The following PLCB4 variants were observed in gnomAD, a reference collection of about 807,000 sequenced individuals.
The protein encoded by PLCB4 is phospholipase C beta 4, also known as 1-phosphatidylinositol 4,5-bisphosphate phosphodiesterase beta-4.
PLCB4 carries 77 observed loss-of-function variants against 178.8 expected under a neutral mutation model. The ratio of observed to expected loss-of-function variants is 0.43; its 90% CI spans 0.36 to 0.52. The LOEUF is 0.52. PLCB4 is among the 20% of genes least tolerant of loss of function. PLCB4 has a pLI of 0.00. For missense variants in PLCB4, 1,024 were observed against 1,453.4 expected, an observed-to-expected ratio of 0.70 and a Z score of 4.80; for synonymous variants, 496 against 490.8, an observed-to-expected ratio of 1.01 and a Z score of -0.14.
intron 7 of PLCB4, among the ~76,000 whole-genome samples, chr20:9,357,296 G>T (rs1156527566): frequency 6.6e-6 from 1 of 152,152 alleles, no homozygotes; most frequent in Non-Finnish European, 1.5e-5. Flanking sequence ...GCATCCTCTT[G>T]CTTCCACATA....
At chr20:9,326,276 A>G (rs1048947402) in intron 4 of PLCB4, among the ~76,000 whole-genome samples, 1 of 152,156 alleles carries the variant, frequency 6.6e-6, no homozygotes, top group South Asian at 2.1e-4. Context: ...TTTCTTTTCA[A>G]TAGCCTTCAT....
chr20:9,182,232 A>G (rs764068398), intron 2 of PLCB4, among the ~76,000 whole-genome samples: 15 of 152,138 alleles, frequency 9.9e-5, no homozygotes, highest in Non-Finnish European at 1.8e-4. Context: ...TCTTGTAGCT[A>G]GCTGCTGACT....
intron 25 of PLCB4, among the ~76,000 whole-genome samples, chr20:9,415,087 G>A (rs1314382797): frequency 1.3e-5 from 2 of 152,186 alleles, no homozygotes; most frequent in Non-Finnish European, 2.9e-5. Flanking sequence ...TAATGGAACA[G>A]TTATAACAAT....
intron 3 of PLCB4, among the ~76,000 whole-genome samples, chr20:9,228,314 AGAGAGAG>A (rs1831762035): frequency 6.6e-6 from 1 of 152,194 alleles, no homozygotes; most frequent in Non-Finnish European, 1.5e-5. Flanking sequence ...AATTGTGATG[AGAGAGAG>A]TAAGGAAGAA....
intron 2 of PLCB4, among the ~76,000 whole-genome samples, chr20:9,197,611 A>G (rs919513689): frequency 6.6e-6 from 1 of 152,216 alleles, no homozygotes; most frequent in Admixed American, 6.5e-5. Flanking sequence ...TGCTGCCTAG[A>G]CCACCCTGGG....
chr20:9,365,362 G>A, intron 8 of PLCB4, 99 bp from the exon 9 acceptor site: 1 of 730,782 alleles, frequency 1.4e-6, no homozygotes, highest in Non-Finnish European at 2.4e-6. Flanking sequence ...CAGAACCAAT[G>A]TTCTTGATTT....
chr20:9,434,207 C>G (rs895630769), intron 28 of PLCB4, among the ~76,000 whole-genome samples: 35 of 151,944 alleles, frequency 2.3e-4, no homozygotes, highest in African/African-American at 8.0e-4. Context: ...AAAAATGGTG[C>G]AGAAAACTAT....
chr20:9,167,267 TA>T lies in PLCB4; in HGVS notation c.-78-50114del, dbSNP rs755010165. On this transcript the variant is annotated intron_variant, in intron 2 of 39. Coordinates refer to ENST00000378473, the MANE Select transcript of PLCB4 (RefSeq NM_001377142.1). ...AACTGCTCTAAGAAATGAGGTCTAT[TA>T]AAAAAAAACAGTCCCTTGATAATAC... 3.9e-3 allele frequency among the ~76,000 whole-genome samples: 595 copies of T among 151,136 alleles called. 1 individual carries two copies. Among genetic ancestry groups the T allele is most frequent in the African/African-American group, 0.014 (574 of 41,238 alleles).
chr20:9,269,404 G>A (rs2094381191), intron 3 of PLCB4, among the ~76,000 whole-genome samples: 1 of 152,160 alleles, frequency 6.6e-6, no homozygotes, highest in Non-Finnish European at 1.5e-5. Context: ...TGGAAGTGGA[G>A]TCTTTCTTCT....
At chr20:9,364,738 A>C (rs2035629476) in intron 8 of PLCB4, among the ~76,000 whole-genome samples, 1 of 152,248 alleles carries the variant, frequency 6.6e-6, no homozygotes, top group African/African-American at 2.4e-5. Flanking sequence ...ATGTTCTGCA[A>C]ATTGTTAGCA....
intron 3 of PLCB4, among the ~76,000 whole-genome samples, chr20:9,301,720 T>C (rs1439855413): frequency 6.6e-6 from 1 of 152,086 alleles, no homozygotes; most frequent in Non-Finnish European, 1.5e-5. Context: ...CAGTTTCTTA[T>C]TATCATCTTT....
chr20:9,366,691 C>T (rs2035812428), intron 9 of PLCB4, among the ~76,000 whole-genome samples: 1 of 152,202 alleles, frequency 6.6e-6, no homozygotes, highest in South Asian at 2.1e-4. Flanking sequence ...ATTCCAGAAG[C>T]TGGGCTGGGC....
At chr20:9,095,383 AT>A (rs2090866115) in intron 1 of PLCB4, among the ~76,000 whole-genome samples, 1 of 152,100 alleles carries the variant, frequency 6.6e-6, no homozygotes, top group Non-Finnish European at 1.5e-5. Context: ...TCTATATATC[AT>A]TATCCCCATT....
chr20:9,465,635 C>G lies in PLCB4; in HGVS notation c.3249-2936C>G, dbSNP rs183758962. 2.6e-4 allele frequency among the ~76,000 whole-genome samples: 40 copies of G among 152,284 alleles called. No homozygotes were observed. In the East Asian group the frequency reaches 7.5e-3, roughly 29 times the overall value. On this transcript the variant is annotated intron_variant, in intron 35 of 39. Coordinates refer to ENST00000378473, the MANE Select transcript of PLCB4 (RefSeq NM_001377142.1). ...AAAAATCACAAGCGTTCCTATACACCAATGACAGACAACCAGAGAGCCAAA... is the reference window on the plus strand; with the variant it reads ...AAAAATCACAAGCGTTCCTATACACGAATGACAGACAACCAGAGAGCCAAA...
rs376366883 is a variant in PLCB4 at position 9,474,973 on chromosome 20, A to C, written c.3495+1608A>C. On this transcript the variant is annotated intron_variant, in intron 38 of 39. Transcript: ENST00000378473. ...TAGCTTATGTTTTTGCTCTTAAAGC[A>C]CTTCTCAGAAAGTGCTCCTGGGGGA... 1.2e-4 allele frequency among the ~76,000 whole-genome samples: 18 copies of C among 152,336 alleles called. 1 individual carries two copies. The highest frequency in any genetic ancestry group is 4.3e-4 in the African/African-American group (18 of 41,576).
rs781222515 is a variant in PLCB4 at position 9,421,399 on chromosome 20, C to T, written c.2257C>T (p.Arg753Cys). The part of the protein sequence containing the change: ...TDTIRKEFRT[R>C]MVMNNGLNPV... ...CACCATACGTAAGGAATTCCGAACT[C>T]GCATGGTTATGAATAATGGACTCAA... The change falls in exon 27 of 40, where the codon CGC (arginine) becomes TGC (cysteine). Residue 753 changes from arginine (R) to cysteine (C), a missense_variant. Coordinates refer to ENST00000378473, the MANE Select transcript of PLCB4 (RefSeq NM_001377142.1). 6 of 1,613,670 alleles carry T rather than the reference C, an allele frequency of 3.7e-6. No homozygotes were observed.
At chr20:9,431,823 C>A (rs766166902) in intron 28 of PLCB4, among the ~76,000 whole-genome samples, 2 of 152,032 alleles carry the variant, frequency 1.3e-5, no homozygotes, top group Non-Finnish European at 2.9e-5. Flanking sequence ...GCTTTATTTT[C>A]TTAGTACTCC....
At chr20:9,146,897 T>C (rs2092607848) in intron 2 of PLCB4, among the ~76,000 whole-genome samples, 1 of 152,202 alleles carries the variant, frequency 6.6e-6, no homozygotes, top group Admixed American at 6.6e-5. Flanking sequence ...GAGCTGAAAT[T>C]AGACCATATG....
chr20:9,473,478 A>C (rs1249466754), intron 38 of PLCB4, 113 bp downstream of exon 38: 1 of 513,352 alleles, frequency 1.9e-6, no homozygotes, highest in East Asian at 3.2e-5. Context: ...AGGTAGATAG[A>C]AGAATTTGTT....
Sources: allele counts gnomAD v4.1 joint callset (sites outside exome capture counted in the v4.1 genomes callset), GRCh38; gene constraint gnomAD v4.1.1; transcripts MANE v1.5; gene names NCBI Gene and HGNC (gene_info 2026-07-23, HGNC 2026-07-21).